The following PRKN variants were observed in gnomAD, a reference collection of about 807,000 sequenced individuals.
The protein encoded by PRKN is parkin RBR E3 ubiquitin protein ligase, also known as E3 ubiquitin-protein ligase parkin.
Under a neutral mutation model 59.5 loss-of-function variants are expected in PRKN, and 56 were observed. The ratio of observed to expected loss-of-function variants is 0.94; its 90% confidence interval spans 0.76 to 1.18. The LOEUF (loss-of-function observed/expected upper bound fraction) is 1.18. Among genes scored for constraint, PRKN ranks in the 50% most tolerant of loss-of-function variants. The probability of loss-of-function intolerance (pLI) is 0.00; values close to 1 mark genes in which losing one functional copy is unlikely to be tolerated. For synonymous variants in PRKN, 250 were observed against 222.1 expected, an observed-to-expected ratio of 1.13 and a Z score of -1.12; for missense variants, 657 against 596.4, an observed-to-expected ratio of 1.10 and a Z score of -1.06.
chr6:162,081,125 G>A (rs1195298459), intron 4 of PRKN, among the ~76,000 whole-genome samples: 1 of 151,972 alleles, frequency 6.6e-6, no homozygotes, highest in Non-Finnish European at 1.5e-5. Flanking sequence ...CTGAAGTCTT[G>A]AATCCCTTAA....
intron 2 of PRKN, among the ~76,000 whole-genome samples, chr6:162,370,456 A>T (rs944527487): frequency 2.6e-5 from 4 of 152,222 alleles, no homozygotes; most frequent in Non-Finnish European, 5.9e-5. Context: ...TGAGGTATCC[A>T]GGAAACAACT....
At chr6:162,703,880 A>G (rs1199904959) in intron 1 of PRKN, among the ~76,000 whole-genome samples, 1 of 152,170 alleles carries the variant, frequency 6.6e-6, no homozygotes, top group Non-Finnish European at 1.5e-5. Flanking sequence ...TCAGTTCAAT[A>G]TATTTGGGAG....
chr6:162,453,194 C>T (rs1790708361), intron 1 of PRKN, among the ~76,000 whole-genome samples: 1 of 152,128 alleles, frequency 6.6e-6, no homozygotes, highest in Non-Finnish European at 1.5e-5. Context: ...GACTTCCTAC[C>T]CTCCTCAGGG....
intron 6 of PRKN, among the ~76,000 whole-genome samples, chr6:161,827,865 A>G (rs143514396): frequency 6.6e-6 from 1 of 152,274 alleles, no homozygotes; most frequent in Non-Finnish European, 1.5e-5. Context: ...CTAAAAGACA[A>G]CAGAATTCTA....
intron 7 of PRKN, among the ~76,000 whole-genome samples, chr6:161,713,925 T>TATAAAGG (rs1786859179): frequency 6.6e-6 from 1 of 152,158 alleles, no homozygotes; most frequent in Non-Finnish European, 1.5e-5. Flanking sequence ...GCAGTTCCCC[T>TATAAAGG]GCACACGCTC....
chr6:161,835,632 C>T (rs1333490857), intron 6 of PRKN, among the ~76,000 whole-genome samples: 1 of 152,188 alleles, frequency 6.6e-6, no homozygotes, highest in Non-Finnish European at 1.5e-5. Context: ...ATAGGCGGCA[C>T]CGGCTTATCC....
At chr6:161,830,307 G>A (rs143854189) in intron 6 of PRKN, among the ~76,000 whole-genome samples, 7,729 of 150,842 alleles carry the variant, frequency 0.051, 294 homozygotes, top group Non-Finnish European at 0.063. Flanking sequence ...GCTGGAGTGC[G>A]GTGGCGCGAT....
rs1582959436 is a variant in PRKN at position 161,353,925 on chromosome 6, G to A, written c.1286-3714C>T. ...GCTTGGTGCGTGGGGAAAAACCCCC[G>A]CACATTCCGTCACAGAAGTCTTCTG... On this transcript the variant is annotated intron_variant, in intron 11 of 11. Transcript: ENST00000366898. This position sits in a 1 kb window ranked among gnomAD's most constrained non-coding sequence, Gnocchi z 4.8. 6.6e-6 allele frequency among the ~76,000 whole-genome samples: 1 copy of A among 152,282 alleles called. No individual in the cohort carries two copies. The highest frequency in any genetic ancestry group is 6.5e-5 in the Admixed American group (1 of 15,298).
At chr6:161,853,434 G>C (rs1040017998) in intron 6 of PRKN, among the ~76,000 whole-genome samples, 1 of 152,160 alleles carries the variant, frequency 6.6e-6, no homozygotes, top group African/African-American at 2.4e-5. Context: ...CAAAGAATAA[G>C]TTTAGACAAT....
Position 161,417,076 on chromosome 6 carries a change from C to T in PRKN, c.1084-30199G>A, listed in dbSNP as rs1044928588. 2.6e-5 allele frequency among the ~76,000 whole-genome samples: 4 copies of T among 152,160 alleles called. No homozygotes were observed. Among genetic ancestry groups the T allele is most frequent in the African/African-American group, 9.7e-5 (4 of 41,434 alleles). ...CTCATGCTCACCCCTCATTCAAGCT[C>T]CAGACCTGGGCCAAGAGCAAGAAGA... On this transcript the variant is annotated intron_variant, in intron 9 of 11. Coordinates refer to ENST00000366898, the MANE Select transcript of PRKN (RefSeq NM_004562.3). This position sits in a 1 kb window ranked among gnomAD's most constrained non-coding sequence, Gnocchi z 5.4.
intron 6 of PRKN, among the ~76,000 whole-genome samples, chr6:161,832,241 C>T (rs1042287175): frequency 2.6e-5 from 4 of 152,088 alleles, no homozygotes; most frequent in Admixed American, 2.0e-4. Context: ...TTATGGGGAC[C>T]CATAGAACCA....
chr6:161,640,691 G>A (rs1030377888), intron 7 of PRKN, among the ~76,000 whole-genome samples: 2 of 152,096 alleles, frequency 1.3e-5, no homozygotes, highest in African/African-American at 2.4e-5. Context: ...TTCAGGAAAG[G>A]AAAGACACCA....
chr6:162,256,169 G>T (rs1229985070), intron 3 of PRKN, among the ~76,000 whole-genome samples: 1 of 152,014 alleles, frequency 6.6e-6, no homozygotes, highest in Non-Finnish European at 1.5e-5. Context: ...CTGATTCTGT[G>T]AAATTATCAA....
chr6:162,465,695 G>A (rs1389098049), intron 1 of PRKN, among the ~76,000 whole-genome samples: 2 of 125,324 alleles, frequency 1.6e-5, no homozygotes, highest in Non-Finnish European at 3.5e-5. Flanking sequence ...ACAATGGCAG[G>A]GAAGAAACTG....
intron 7 of PRKN, among the ~76,000 whole-genome samples, chr6:161,668,735 G>C (rs770763725): frequency 3.3e-5 from 5 of 152,156 alleles, no homozygotes; most frequent in Admixed American, 6.5e-5. Flanking sequence ...GCACATAGTA[G>C]ATGGATAATC....
intron 4 of PRKN, among the ~76,000 whole-genome samples, chr6:162,096,418 T>C (rs1372376393): frequency 2.0e-5 from 3 of 152,208 alleles, no homozygotes. Context: ...TTGACTCACA[T>C]TGTATGTTTC....
intron 4 of PRKN, among the ~76,000 whole-genome samples, chr6:162,118,355 G>T (rs1159776858): frequency 6.6e-6 from 1 of 151,382 alleles, no homozygotes; most frequent in South Asian, 2.1e-4. Flanking sequence ...GCAGTGAGCC[G>T]AGAACGCGCC....
At chr6:161,432,634 G>A (rs1036562722) in intron 9 of PRKN, among the ~76,000 whole-genome samples, 10 of 149,590 alleles carry the variant, frequency 6.7e-5, no homozygotes, top group Admixed American at 1.3e-4. Flanking sequence ...TGCCCACCTC[G>A]GCCTCCCAAA....
At chr6:161,788,902 T>C (rs1790532638) in intron 6 of PRKN, among the ~76,000 whole-genome samples, 2 of 152,188 alleles carry the variant, frequency 1.3e-5, no homozygotes, top group African/African-American at 2.4e-5. Context: ...CAGATATAGA[T>C]AAATGATAGA....
Sources: gnomAD v4.1 joint callset for allele counts (sites outside exome capture counted in the v4.1 genomes callset) on GRCh38, gnomAD v4.1.1 for gene constraint, Gnocchi (gnomAD v3.1) non-coding constraint, MANE v1.5 for transcripts, NCBI Gene and HGNC (gene_info 2026-07-23, HGNC 2026-07-21) for gene names.